The following IGSF21 variants were observed in gnomAD, a reference collection of about 807,000 sequenced individuals.
The protein encoded by IGSF21 is immunoglobin superfamily member 21.
IGSF21 carries 28 observed loss-of-function variants against 46.8 expected under a neutral mutation model. The ratio of observed to expected loss-of-function variants is 0.60; its 90% CI spans 0.44 to 0.82. IGSF21 has a LOEUF of 0.82. Among genes scored for constraint, IGSF21 ranks in the 40% least tolerant of loss-of-function variants. The probability of loss-of-function intolerance (pLI) is 0.00; values close to 1 mark genes in which losing one functional copy is unlikely to be tolerated. For synonymous variants in IGSF21, 284 were observed against 273.6 expected (o/e 1.04, Z -0.38); for missense variants, 624 against 665.5 (o/e 0.94, Z 0.69).
chr1:18,171,984 GA>G (rs2086741557), intron 1 of IGSF21, among the ~76,000 whole-genome samples: 3 of 152,204 alleles, frequency 2.0e-5, no homozygotes, highest in Admixed American at 2.0e-4. Context: ...TACCTGGGAA[GA>G]AATAGTTCCT....
intron 2 of IGSF21, chr1:18,278,957 A>G (rs1319916107): frequency 2.1e-6 from 1 of 469,752 alleles, no homozygotes; most frequent in Non-Finnish European, 4.4e-6. Flanking sequence ...TCGTAATCAA[A>G]TGTTGGGGGA....
intron 2 of IGSF21, among the ~76,000 whole-genome samples, chr1:18,244,169 G>C (rs1557604225): frequency 1.3e-5 from 2 of 152,362 alleles, no homozygotes; most frequent in Non-Finnish European, 2.9e-5. Context: ...TCTCAGGATG[G>C]TGCTCTACTT....
chr1:18,114,560 C>T (rs2086172119), intron 1 of IGSF21: 1 of 152,248 alleles, frequency 6.6e-6, no homozygotes, highest in South Asian at 2.1e-4. Flanking sequence ...CCTGGAACTA[C>T]ATTCTTTCTT....
Position 18,253,843 on chromosome 1 carries a change from C to T in IGSF21, c.183+25833C>T, listed in dbSNP as rs531337216. On this transcript the variant is annotated intron_variant, in intron 2 of 9. Coordinates refer to ENST00000251296, the MANE Select transcript of IGSF21 (RefSeq NM_032880.5). ...AATGAGATAATGGAGTGAGGTTACTCAAAGAAGCCTTTCTGAAACAGCAGA... is the reference window on the plus strand; with the variant it reads ...AATGAGATAATGGAGTGAGGTTACTTAAAGAAGCCTTTCTGAAACAGCAGA... Among the ~76,000 whole-genome samples, 111 of 152,254 alleles carry T rather than the reference C, an allele frequency of 7.3e-4. 2 individuals are homozygous for T. In the Middle Eastern group the frequency reaches 0.034, roughly 47 times the overall value.
At chr1:18,264,874 A>G (rs2084976342) in intron 2 of IGSF21, among the ~76,000 whole-genome samples, 1 of 152,116 alleles carries the variant, frequency 6.6e-6, no homozygotes. Context: ...AATGAAGAAG[A>G]CAGGGCCTGC....
chr1:18,299,097 G>T (rs1040978164), intron 3 of IGSF21, among the ~76,000 whole-genome samples: 1 of 152,238 alleles, frequency 6.6e-6, no homozygotes, highest in Non-Finnish European at 1.5e-5. Flanking sequence ...GCTGGCATTT[G>T]AAGTGGTTCT....
Position 18,155,945 on chromosome 1 carries a change from C to T in IGSF21, c.70+47747C>T, listed in dbSNP as rs188374419. Among the ~76,000 whole-genome samples, 523 of 152,322 alleles carry T rather than the reference C, an allele frequency of 3.4e-3. 1 individual carries two copies. Among genetic ancestry groups the T allele is most frequent in the Non-Finnish European group, 3.5e-3 (241 of 68,034 alleles). Reference sequence around the variant, plus strand: ...AAAGTTGTACATGTTTTGATGGGCCCGGATGCGGTGCTGGCGAAAGGTGAA... The same window carrying T: ...AAAGTTGTACATGTTTTGATGGGCCTGGATGCGGTGCTGGCGAAAGGTGAA... On this transcript the variant is annotated intron_variant, in intron 1 of 9. Transcript: ENST00000251296.
At chr1:18,163,733 G>A (rs937106696) in intron 1 of IGSF21, among the ~76,000 whole-genome samples, 1 of 152,168 alleles carries the variant, frequency 6.6e-6, no homozygotes, top group Non-Finnish European at 1.5e-5. Flanking sequence ...CTCCTGCCCA[G>A]CGCCTCTTTG....
chr1:18,287,212 A>AATAAATAAATAG (rs1381765426), intron 2 of IGSF21, among the ~76,000 whole-genome samples: 1 of 143,794 alleles, frequency 7.0e-6, no homozygotes, highest in African/African-American at 2.5e-5. Context: ...TAAATAAATA[A>AATAAATAAATAG]AAATAAATAA....
intron 2 of IGSF21, among the ~76,000 whole-genome samples, chr1:18,265,062 A>C (rs2084977842): frequency 6.6e-6 from 1 of 152,200 alleles, no homozygotes; most frequent in African/African-American, 2.4e-5. Context: ...TGATAAATGA[A>C]AGATTTATTT....
intron 1 of IGSF21, among the ~76,000 whole-genome samples, chr1:18,224,697 A>C (rs144968187): frequency 7.4e-4 from 112 of 152,322 alleles, no homozygotes; most frequent in Non-Finnish European, 1.4e-3. Flanking sequence ...GAGAAAGTTA[A>C]GAGAAGTCCT....
At chr1:18,149,500 T>A (rs558214912) in intron 1 of IGSF21, among the ~76,000 whole-genome samples, 1 of 151,756 alleles carries the variant, frequency 6.6e-6, no homozygotes, top group South Asian at 2.1e-4. Flanking sequence ...TAATAAGGGG[T>A]GATATATCCT....
At chr1:18,203,636 A>G (rs1388347946) in intron 1 of IGSF21, among the ~76,000 whole-genome samples, 1 of 152,156 alleles carries the variant, frequency 6.6e-6, no homozygotes, top group Non-Finnish European at 1.5e-5. Context: ...TAATGAATGA[A>G]TGAATGACTG....
intron 2 of IGSF21, among the ~76,000 whole-genome samples, chr1:18,283,366 G>T (rs2085181296): frequency 6.6e-6 from 1 of 152,178 alleles, no homozygotes; most frequent in South Asian, 2.1e-4. Flanking sequence ...AGGATTTTCT[G>T]CCTCTTCTTG....
chr1:18,178,967 A>T (rs2086831005), intron 1 of IGSF21: 1 of 152,236 alleles, frequency 6.6e-6, no homozygotes, highest in Non-Finnish European at 1.5e-5. Flanking sequence ...GAAATTATTT[A>T]ACAGGGAAAG....
intron 1 of IGSF21, chr1:18,110,989 G>A (rs1010812125): frequency 2.0e-5 from 3 of 152,320 alleles, no homozygotes; most frequent in Admixed American, 2.0e-4. Flanking sequence ...CGGGTTCTCG[G>A]GTTCTCGGGT....
intron 1 of IGSF21, among the ~76,000 whole-genome samples, chr1:18,139,934 CT>C (rs139528919): frequency 0.11 from 17,085 of 151,688 alleles, 1,086 homozygotes; most frequent in African/African-American, 0.14. Flanking sequence ...TCCCAACTTC[CT>C]TTTTTTTAAA....
At chr1:18,340,096 T>C (rs879668774) in intron 4 of IGSF21, among the ~76,000 whole-genome samples, 1 of 152,196 alleles carries the variant, frequency 6.6e-6, no homozygotes, top group Non-Finnish European at 1.5e-5. Flanking sequence ...CCCACGTACA[T>C]GGACATTCTA....
rs147679285 is a variant in IGSF21, at chr1:18,295,030, G to A, written c.305+3043G>A. On this transcript the variant is annotated intron_variant, in intron 3 of 9. Coordinates refer to ENST00000251296, the MANE Select transcript of IGSF21 (RefSeq NM_032880.5). ...GAAAGTAGGGAGAGAATGAGACTGAGAAGATTACCAAGAATTGGCTGAGAG... is the reference window on the plus strand; with the variant it reads ...GAAAGTAGGGAGAGAATGAGACTGAAAAGATTACCAAGAATTGGCTGAGAG... Among the ~76,000 whole-genome samples, 35 of 152,364 alleles carry A rather than the reference G, an allele frequency of 2.3e-4. No individual in the cohort carries two copies. The East Asian group carries it at 6.7e-3, about 29-fold the overall frequency.
Sources: allele counts gnomAD v4.1 joint callset (sites outside exome capture counted in the v4.1 genomes callset), GRCh38; gene constraint gnomAD v4.1.1; transcripts MANE v1.5; gene names NCBI Gene and HGNC (gene_info 2026-07-23, HGNC 2026-07-21).